RTF2: variants seen among roughly 807,000 people sequenced by gnomAD.
RTF2 encodes UPF0549 protein C20orf43.
RTF2 carries 18 observed loss-of-function variants against 38.0 expected under a neutral mutation model. The observed-to-expected ratio is 0.47, with a 90% CI of 0.33 to 0.70. The LOEUF (loss-of-function observed/expected upper bound fraction) is 0.70, where lower values mean the gene tolerates loss of function less well. Among genes scored for constraint, RTF2 ranks in the 30% least tolerant of loss-of-function variants. The pLI, the probability that RTF2 is intolerant of heterozygous loss-of-function variation, is 0.02. For synonymous variants in RTF2, 126 were observed against 137.1 expected, an observed-to-expected ratio of 0.92 and a Z score of 0.57; for missense variants, 311 against 379.6, an observed-to-expected ratio of 0.82 and a Z score of 1.50.
intron 5 of RTF2, among the ~76,000 whole-genome samples, chr20:56,499,797 C>T (rs1019611223): frequency 2.6e-5 from 4 of 151,508 alleles, no homozygotes; most frequent in East Asian, 1.9e-4. Flanking sequence ...AGTGAAGTGG[C>T]GCAGTCTCAG....
Position 56,468,659 on chromosome 20 carries a change from C to T in RTF2, c.-39C>T, listed in dbSNP as rs777883610. Reference sequence around the variant, plus strand: ...TCGCCGGAAATCCCGGAAGTGACAGCTTTGGGGGTTTGCTGCTGGCTCTGA... The same window carrying T: ...TCGCCGGAAATCCCGGAAGTGACAGTTTTGGGGGTTTGCTGCTGGCTCTGA... On this transcript the variant is annotated 5_prime_UTR_variant, in exon 1 of 9. Transcript: ENST00000357348. 19 of 1,542,744 alleles carry T rather than the reference C, an allele frequency of 1.2e-5. No homozygotes were observed. Among genetic ancestry groups the T allele is most frequent in the Non-Finnish European group, 1.6e-5 (18 of 1,138,388 alleles).
At chr20:56,507,507 ACTT>A (rs1568709123) in intron 5 of RTF2, among the ~76,000 whole-genome samples, 2 of 152,176 alleles carry the variant, frequency 1.3e-5, no homozygotes, top group Admixed American at 6.6e-5. Flanking sequence ...GGGGTTCCTG[ACTT>A]CTTATTGTCA....
chr20:56,477,692 T>C (rs967092300), intron 4 of RTF2, among the ~76,000 whole-genome samples: 5 of 152,184 alleles, frequency 3.3e-5, no homozygotes, highest in Non-Finnish European at 5.9e-5. Context: ...CACTAATTTT[T>C]ATTTTTGTAG....
chr20:56,497,946 A>G (rs1191912488), intron 5 of RTF2, among the ~76,000 whole-genome samples: 1 of 152,218 alleles, frequency 6.6e-6, no homozygotes, highest in Non-Finnish European at 1.5e-5. Flanking sequence ...TGTACCAGCA[A>G]TGTATGATAG....
intron 5 of RTF2, among the ~76,000 whole-genome samples, chr20:56,506,495 C>T (rs1367379428): frequency 2.6e-5 from 4 of 152,136 alleles, no homozygotes; most frequent in Admixed American, 2.6e-4. Flanking sequence ...TATCTAGATA[C>T]ATTAGCATAT....
chr20:56,515,575 CAG>C (rs58977063), intron 6 of RTF2: 13,588 of 129,588 alleles, frequency 0.1, 788 homozygotes, highest in Middle Eastern at 0.19. Flanking sequence ...CTGTCTCAGA[CAG>C]AGAGAGAGAG....
intron 5 of RTF2, among the ~76,000 whole-genome samples, chr20:56,487,692 G>A (rs115718831): frequency 4.5e-4 from 68 of 152,294 alleles, no homozygotes; most frequent in African/African-American, 1.6e-3. Context: ...TACCCAAGCC[G>A]GATGACTTAC....
chr20:56,511,633 C>A (rs1984675961), intron 5 of RTF2, among the ~76,000 whole-genome samples: 1 of 152,140 alleles, frequency 6.6e-6, no homozygotes, highest in Admixed American at 6.6e-5. Context: ...GGGTAACTCT[C>A]TGTGGGGGGG....
chr20:56,480,929 A>T (rs527296835), intron 4 of RTF2, among the ~76,000 whole-genome samples: 5 of 152,350 alleles, frequency 3.3e-5, no homozygotes, highest in Non-Finnish European at 7.3e-5. Flanking sequence ...GTAATCATGA[A>T]ATCATTTGAA....
intron 2 of RTF2, among the ~76,000 whole-genome samples, chr20:56,473,921 A>C (rs139913539): frequency 3.3e-5 from 5 of 152,226 alleles, no homozygotes; most frequent in Non-Finnish European, 7.4e-5. Flanking sequence ...GCATAAACAC[A>C]TGAAGGAGCC....
In RTF2 at chr20:56,518,097, G is replaced by A. The variant is rs1203423356; in HGVS notation, c.753G>A (p.Glu251=). The A allele has an allele frequency of 4.5e-5, 73 of 1,609,468 alleles. No homozygotes were observed. The highest frequency in any genetic ancestry group is 5.9e-5 in the Non-Finnish European group (70 of 1,178,722). Residue 251 remains glutamate, a synonymous_variant, in exon 9 of 9, where the codon GAG becomes GAA. Transcript: ENST00000357348. The part of the protein sequence containing the change: ...NLAPKSTAMN[E]SSSGKAGKPP... ...TCTTCATTTTTCTAGCAATGAATGAGAGCTCTTCTGGAAAAGCTGGGAAGC... is the reference window on the plus strand; with the variant it reads ...TCTTCATTTTTCTAGCAATGAATGAAAGCTCTTCTGGAAAAGCTGGGAAGC...
chr20:56,497,105 G>C, intron 5 of RTF2: 1 of 1,551,590 alleles, frequency 6.4e-7, no homozygotes, highest in Non-Finnish European at 8.7e-7. Context: ...TCTCTGTCTT[G>C]GAGGAAATAA....
intron 4 of RTF2, among the ~76,000 whole-genome samples, chr20:56,477,787 G>A (rs1982332536): frequency 6.6e-6 from 1 of 152,202 alleles, no homozygotes; most frequent in South Asian, 2.1e-4. Flanking sequence ...TAACATGTGG[G>A]AGCCACTGCA....
chr20:56,506,160 T>C (rs1984255400), intron 5 of RTF2, among the ~76,000 whole-genome samples: 1 of 152,216 alleles, frequency 6.6e-6, no homozygotes, highest in African/African-American at 2.4e-5. Flanking sequence ...TCAGCAGTTA[T>C]TCACTGTGTC....
intron 5 of RTF2, among the ~76,000 whole-genome samples, chr20:56,490,912 C>A (rs1177579932): frequency 6.6e-6 from 1 of 152,158 alleles, no homozygotes; most frequent in Non-Finnish European, 1.5e-5. Context: ...TTCCAATGCC[C>A]AGGAGCCCCT....
chr20:56,475,090 T>G (rs1213050971), intron 3 of RTF2, among the ~76,000 whole-genome samples: 1 of 152,266 alleles, frequency 6.6e-6, no homozygotes, highest in African/African-American at 2.4e-5. Flanking sequence ...TGGAAGATAC[T>G]TTTGTGAATT....
chr20:56,484,267 T>C, intron 5 of RTF2, 78 bp downstream of exon 5: 1 of 1,205,726 alleles, frequency 8.3e-7, no homozygotes, highest in Non-Finnish European at 1.2e-6. Flanking sequence ...TTCCCTCCAT[T>C]TGTTCTTTCT....
intron 5 of RTF2, among the ~76,000 whole-genome samples, chr20:56,510,719 T>A (rs2146371257): frequency 6.6e-6 from 1 of 152,206 alleles, no homozygotes; most frequent in African/African-American, 2.4e-5. Context: ...GCGGGTGGAT[T>A]ACCTGAGCCC....
intron 6 of RTF2, chr20:56,514,119 T>G (rs1984866959): frequency 6.6e-6 from 1 of 152,188 alleles, no homozygotes; most frequent in Non-Finnish European, 1.5e-5. Flanking sequence ...AGGGAGGGTC[T>G]TTTATGGAGC....
Sources: allele counts gnomAD v4.1 joint callset (sites outside exome capture counted in the v4.1 genomes callset), GRCh38; gene constraint gnomAD v4.1.1; transcripts MANE v1.5; gene names NCBI Gene and HGNC (gene_info 2026-07-23, HGNC 2026-07-21).